LRP12: variants seen among roughly 807,000 people sequenced by gnomAD.
LRP12 encodes low-density lipoprotein receptor-related protein 12.
Under a neutral mutation model 66.0 loss-of-function variants are expected in LRP12, and 14 were observed. The observed-to-expected ratio is 0.21, with a 90% CI of 0.14 to 0.33. The LOEUF is 0.33. Among genes scored for constraint, LRP12 ranks in the 10% least tolerant of loss-of-function variants. The pLI is 1.00. For missense variants in LRP12, 889 were observed against 1,053.4 expected (o/e 0.84, Z 2.16); for synonymous variants, 357 against 359.1 (o/e 0.99, Z 0.07).
chr8:104,500,539 C>G (rs1166195769), intron 3 of LRP12, among the ~76,000 whole-genome samples: 1 of 151,984 alleles, frequency 6.6e-6, no homozygotes, highest in Admixed American at 6.5e-5. Context: ...CCCGTCTCTA[C>G]TAAGAATACA....
intron 1 of LRP12, among the ~76,000 whole-genome samples, chr8:104,565,648 CAGG>C (rs1319304958): frequency 6.6e-6 from 1 of 151,990 alleles, no homozygotes; most frequent in Non-Finnish European, 1.5e-5. Context: ...TCAACGAGGT[CAGG>C]AGATCAAGAC....
intron 6 of LRP12, among the ~76,000 whole-genome samples, chr8:104,492,856 AAAAG>A (rs1564127939): frequency 1.3e-5 from 2 of 151,854 alleles, no homozygotes; most frequent in African/African-American, 2.4e-5. Context: ...ATTAAAAAAA[AAAAG>A]AAAAAGAAAA....
chr8:104,559,507 C>T (rs994264102), intron 1 of LRP12, among the ~76,000 whole-genome samples: 4 of 152,016 alleles, frequency 2.6e-5, no homozygotes, highest in Admixed American at 6.6e-5. Flanking sequence ...GGTAATTTGG[C>T]ATAGCATACA....
At chr8:104,577,810 CAAAA>C (rs34298645) in intron 1 of LRP12, among the ~76,000 whole-genome samples, 1 of 111,162 alleles carries the variant, frequency 9.0e-6, no homozygotes. Context: ...GACTCCATCT[CAAAA>C]AAAAAAAAAA....
Position 104,575,497 on chromosome 8 carries a change from G to A in LRP12, c.79+13322C>T, listed in dbSNP as rs547531505. Among the ~76,000 whole-genome samples, 12 of 152,312 alleles carry A rather than the reference G, an allele frequency of 7.9e-5. No individual in the cohort carries two copies. The South Asian group carries it at 8.3e-4, about 11-fold the overall frequency. On this transcript the variant is annotated intron_variant, in intron 1 of 6. Coordinates refer to ENST00000276654, the MANE Select transcript of LRP12 (RefSeq NM_013437.5). ...AGTCCCCCAGAGTTAAGAGCAAGCCGTCCAGGAGTCGGGAGCTGAGCACTG... is the reference window on the plus strand; with the variant it reads ...AGTCCCCCAGAGTTAAGAGCAAGCCATCCAGGAGTCGGGAGCTGAGCACTG...
intron 1 of LRP12, among the ~76,000 whole-genome samples, chr8:104,568,006 C>A (rs1490080790): frequency 6.6e-6 from 1 of 152,164 alleles, no homozygotes; most frequent in Non-Finnish European, 1.5e-5. Context: ...GGAATACTCA[C>A]ACTTTCTGAT....
intron 1 of LRP12, chr8:104,566,142 A>C (rs563754503): frequency 1.1e-4 from 51 of 482,280 alleles, no homozygotes; most frequent in African/African-American, 6.6e-4. Context: ...GCAAGAGTCC[A>C]TAAGAGAGGC....
chr8:104,548,259 AAT>A (rs1333307266), intron 1 of LRP12, among the ~76,000 whole-genome samples: 4 of 100,008 alleles, frequency 4.0e-5, no homozygotes, highest in East Asian at 5.1e-4. Context: ...ATATTATATT[AAT>A]ATATGATATA....
At chr8:104,518,438 A>G (rs1421296206) in intron 2 of LRP12, among the ~76,000 whole-genome samples, 2 of 152,066 alleles carry the variant, frequency 1.3e-5, no homozygotes, top group African/African-American at 4.8e-5. Context: ...CACTAAGGCA[A>G]ACTGCTGCCC....
chr8:104,586,519 A>G (rs903578144), intron 1 of LRP12, among the ~76,000 whole-genome samples: 1 of 152,234 alleles, frequency 6.6e-6, no homozygotes, highest in Non-Finnish European at 1.5e-5. Flanking sequence ...TTTTTACTGT[A>G]TAGAGGACAG....
At chr8:104,510,330 T>C (rs1810972850) in intron 2 of LRP12, among the ~76,000 whole-genome samples, 1 of 152,210 alleles carries the variant, frequency 6.6e-6, no homozygotes, top group Admixed American at 6.5e-5. Context: ...TATTACAGGG[T>C]TATGAATGAT....
intron 2 of LRP12, among the ~76,000 whole-genome samples, chr8:104,531,668 G>C (rs1305405293): frequency 6.6e-6 from 1 of 152,050 alleles, no homozygotes; most frequent in African/African-American, 2.4e-5. Context: ...TTCAATGTTT[G>C]TATGAAAAAA....
At chr8:104,559,865 G>GA (rs1170220118) in intron 1 of LRP12, among the ~76,000 whole-genome samples, 4 of 151,980 alleles carry the variant, frequency 2.6e-5, no homozygotes, top group East Asian at 1.9e-4. Flanking sequence ...TGAAAAAAAA[G>GA]AAAAAATATT....
At chr8:104,566,282 A>G in intron 1 of LRP12, 1 of 387,156 alleles carries the variant, frequency 2.6e-6, no homozygotes, top group South Asian at 3.6e-5. Flanking sequence ...GATGTTAAAA[A>G]ATTAGGAGAC....
intron 1 of LRP12, among the ~76,000 whole-genome samples, chr8:104,548,042 CTGTTA>C (rs1811628107): frequency 1.8e-5 from 2 of 109,456 alleles, no homozygotes; most frequent in South Asian, 5.5e-4. Context: ...ATATATAATT[CTGTTA>C]TATTATATTT....
intron 6 of LRP12, among the ~76,000 whole-genome samples, chr8:104,494,459 G>GT (rs1810691064): frequency 6.6e-6 from 1 of 152,066 alleles, no homozygotes; most frequent in African/African-American, 2.4e-5. Flanking sequence ...GGAAACAACA[G>GT]TTTTTATAAA....
chr8:104,495,595 G>A (rs1279952669), intron 5 of LRP12: 1 of 155,964 alleles, frequency 6.4e-6, no homozygotes, highest in Non-Finnish European at 1.4e-5. Context: ...TTGTTGCAAT[G>A]TGGTAAAAAG....
chr8:104,498,126 A>G, intron 4 of LRP12, 50 bp from the exon 5 acceptor site: 1 of 1,477,074 alleles, frequency 6.8e-7, no homozygotes, highest in Admixed American at 2.3e-5. Flanking sequence ...GAAAAATTAT[A>G]ATCTTTAAAA....
At chr8:104,569,983 C>T (rs1812054704) in intron 1 of LRP12, among the ~76,000 whole-genome samples, 1 of 152,132 alleles carries the variant, frequency 6.6e-6, no homozygotes, top group South Asian at 2.1e-4. Flanking sequence ...AAATCAATCA[C>T]ATTTCATATA....
Sources: allele counts gnomAD v4.1 joint callset (sites outside exome capture counted in the v4.1 genomes callset), GRCh38; gene constraint gnomAD v4.1.1; transcripts MANE v1.5; gene names NCBI Gene and HGNC (gene_info 2026-07-23, HGNC 2026-07-21).